CSMD1: variants seen among roughly 807,000 people sequenced by gnomAD.
CSMD1 encodes the protein CUB and Sushi multiple domains 1, also known as CUB and sushi domain-containing protein 1.
CSMD1 carries 213 observed loss-of-function variants against 417.5 expected under a neutral mutation model. The observed-to-expected ratio is 0.51, with a 90% CI of 0.46 to 0.57. CSMD1 has a LOEUF of 0.57. Among genes scored for constraint, CSMD1 ranks in the 20% least tolerant of loss-of-function variants. The probability of loss-of-function intolerance (pLI) is 0.00; values close to 1 mark genes in which losing one functional copy is unlikely to be tolerated. For synonymous variants in CSMD1, 2,862 were observed against 1,736.8 expected, an observed-to-expected ratio of 1.65 and a Z score of -16.11; for missense variants, 6,923 against 4,529.7, an observed-to-expected ratio of 1.53 and a Z score of -15.17.
intron 5 of CSMD1, among the ~76,000 whole-genome samples, chr8:3,758,108 C>A (rs1406298394): frequency 6.6e-6 from 1 of 151,968 alleles, no homozygotes; most frequent in Admixed American, 6.6e-5. Flanking sequence ...GGATTACAGG[C>A]ACCGGCCACC....
At chr8:4,352,113 A>T (rs1801132894) in intron 3 of CSMD1, among the ~76,000 whole-genome samples, 1 of 152,184 alleles carries the variant, frequency 6.6e-6, no homozygotes. Context: ...TAAATTAGAG[A>T]ATGAGGTGGA....
chr8:3,818,694 C>A (rs1801538113), intron 5 of CSMD1, among the ~76,000 whole-genome samples: 2 of 152,238 alleles, frequency 1.3e-5, no homozygotes, highest in South Asian at 4.2e-4. Flanking sequence ...AAACGGCAGT[C>A]AACAAAGGAA....
At chr8:3,210,150 C>G (rs1797519746) in intron 30 of CSMD1, among the ~76,000 whole-genome samples, 2 of 152,170 alleles carry the variant, frequency 1.3e-5, no homozygotes, top group African/African-American at 4.8e-5. Context: ...AACTGTTGAT[C>G]TGAATAAATC....
chr8:3,206,258 T>C (rs1422442220), intron 30 of CSMD1, among the ~76,000 whole-genome samples: 7 of 83,664 alleles, frequency 8.4e-5, no homozygotes, highest in African/African-American at 3.3e-4. Context: ...GGGGTATGTA[T>C]GTGTGGGGGG....
chr8:4,829,813 G>A (rs1007504195), intron 1 of CSMD1, among the ~76,000 whole-genome samples: 2 of 151,720 alleles, frequency 1.3e-5, no homozygotes, highest in Non-Finnish European at 2.9e-5. Flanking sequence ...CTAAAGAACA[G>A]CAAGAAGCAG....
intron 12 of CSMD1, among the ~76,000 whole-genome samples, chr8:3,441,133 G>C (rs1161375968): frequency 6.6e-6 from 1 of 152,136 alleles, no homozygotes; most frequent in Admixed American, 6.5e-5. Context: ...CGGTGCCACT[G>C]TTAGCTGAGG....
intron 2 of CSMD1, among the ~76,000 whole-genome samples, chr8:4,635,973 G>A (rs991422657): frequency 6.6e-6 from 1 of 151,788 alleles, no homozygotes; most frequent in African/African-American, 2.4e-5. Flanking sequence ...GTTTGAAAGT[G>A]GGTGAAAAAA....
chr8:4,091,292 T>C (rs1221948583), intron 3 of CSMD1, among the ~76,000 whole-genome samples: 3 of 152,220 alleles, frequency 2.0e-5, no homozygotes, highest in African/African-American at 7.2e-5. Context: ...TTTCCAATTT[T>C]ATTAAAATTC....
chr8:4,035,138 A>G (rs962125125), intron 3 of CSMD1, among the ~76,000 whole-genome samples: 3 of 152,066 alleles, frequency 2.0e-5, no homozygotes, highest in Non-Finnish European at 4.4e-5. Context: ...TACGACTCAT[A>G]TACAACATCG....
intron 7 of CSMD1, among the ~76,000 whole-genome samples, chr8:3,639,483 A>G (rs566131278): frequency 1.1e-4 from 17 of 152,330 alleles, no homozygotes; most frequent in Non-Finnish European, 1.6e-4. Context: ...GAGCATGAAA[A>G]TAAGGACAGA....
At chr8:4,992,368 G>A (rs547906319) in intron 1 of CSMD1, among the ~76,000 whole-genome samples, 2 of 152,350 alleles carry the variant, frequency 1.3e-5, no homozygotes, top group South Asian at 4.1e-4. Flanking sequence ...TGCTAATTGC[G>A]GGGGAAGGCA....
chr8:4,764,708 C>A (rs1262686148), intron 1 of CSMD1, among the ~76,000 whole-genome samples: 1 of 149,838 alleles, frequency 6.7e-6, no homozygotes, highest in East Asian at 1.9e-4. Flanking sequence ...CCCATCTCTA[C>A]TAAAAATACG....
At chr8:3,388,531 G>A (rs5026894) in intron 17 of CSMD1, among the ~76,000 whole-genome samples, 87,155 of 152,096 alleles carry the variant, frequency 0.57, 25,408 homozygotes, top group South Asian at 0.67. Flanking sequence ...TGAATTAAAA[G>A]TCTTAAAAAT....
chr8:4,296,695 G>GTT (rs1563408533), intron 3 of CSMD1, among the ~76,000 whole-genome samples: 1 of 76,090 alleles, frequency 1.3e-5, no homozygotes, highest in Non-Finnish European at 2.5e-5. Context: ...CGAAAATAAG[G>GTT]GTTTTTTTTT....
chr8:4,134,911 G>C (rs1294134826), intron 3 of CSMD1, among the ~76,000 whole-genome samples: 2 of 152,066 alleles, frequency 1.3e-5, no homozygotes, highest in South Asian at 2.1e-4. Context: ...CAATTATCTA[G>C]TTTTTGCTAA....
intron 1 of CSMD1, among the ~76,000 whole-genome samples, chr8:4,957,618 G>T (rs761794994): frequency 3.9e-5 from 6 of 152,208 alleles, no homozygotes; most frequent in Non-Finnish European, 7.4e-5. Flanking sequence ...AGAAAAAAAT[G>T]CACTGAAGAA....
intron 5 of CSMD1, among the ~76,000 whole-genome samples, chr8:3,754,527 T>C (rs536313470): frequency 1.3e-5 from 2 of 152,248 alleles, no homozygotes; most frequent in East Asian, 3.9e-4. Flanking sequence ...CGATCTCGGC[T>C]CACTGCAAGC....
At chr8:3,387,294 G>C (rs947745392) in intron 18 of CSMD1, among the ~76,000 whole-genome samples, 200 bp downstream of exon 18, 1 of 152,160 alleles carries the variant, frequency 6.6e-6, no homozygotes, top group Non-Finnish European at 1.5e-5. Context: ...AAGGACAGTT[G>C]TTCTATCTAG....
chr8:4,456,254 G>C (rs1316184124), intron 2 of CSMD1, among the ~76,000 whole-genome samples: 5 of 151,988 alleles, frequency 3.3e-5, no homozygotes, highest in Admixed American at 1.3e-4. Context: ...TACAAAGTAT[G>C]TAACAGAAAA....
Sources: allele counts gnomAD v4.1 joint callset (sites outside exome capture counted in the v4.1 genomes callset), GRCh38; gene constraint gnomAD v4.1.1; transcripts MANE v1.5; gene names NCBI Gene and HGNC (gene_info 2026-07-23, HGNC 2026-07-21).